The following CNTNAP2 variants were observed in gnomAD, a reference collection of about 807,000 sequenced individuals.
CNTNAP2 encodes the protein contactin-associated protein-like 2.
CNTNAP2 carries 98 observed loss-of-function variants against 155.2 expected under a neutral mutation model. The observed-to-expected ratio is 0.63, with a 90% CI of 0.54 to 0.75. CNTNAP2 has a LOEUF of 0.75. Among genes scored for constraint, CNTNAP2 ranks in the 30% least tolerant of loss-of-function variants. The pLI is 0.00. For synonymous variants in CNTNAP2, 651 were observed against 631.2 expected (o/e 1.03, Z -0.47); for missense variants, 1,727 against 1,688.1 (o/e 1.02, Z -0.40).
intron 2 of CNTNAP2, among the ~76,000 whole-genome samples, chr7:146,799,786 C>T (rs532711332): frequency 3.3e-5 from 5 of 152,266 alleles, no homozygotes; most frequent in African/African-American, 1.2e-4. Context: ...AAATTACCTA[C>T]ATTTCTGGAC....
At chr7:148,294,491 C>T (rs1397233347) in intron 21 of CNTNAP2, among the ~76,000 whole-genome samples, 1 of 152,146 alleles carries the variant, frequency 6.6e-6, no homozygotes, top group Admixed American at 6.5e-5. Context: ...GAATTCTGTG[C>T]AAACCTATAA....
chr7:147,467,541 C>T (rs1563215537), intron 10 of CNTNAP2, among the ~76,000 whole-genome samples: 1 of 152,054 alleles, frequency 6.6e-6, no homozygotes, highest in South Asian at 2.1e-4. Flanking sequence ...CAAAATGTTG[C>T]GGGGAGGAAG....
At chr7:147,252,911 G>A (rs183425335) in intron 8 of CNTNAP2, among the ~76,000 whole-genome samples, 1 of 152,286 alleles carries the variant, frequency 6.6e-6, no homozygotes, top group Admixed American at 6.5e-5. Context: ...TGTGGTATGT[G>A]GTTTGTGGCA....
intron 1 of CNTNAP2, among the ~76,000 whole-genome samples, chr7:146,373,262 C>A (rs2129103130): frequency 6.6e-6 from 1 of 152,276 alleles, no homozygotes; most frequent in East Asian, 1.9e-4. Flanking sequence ...TCTTCAGTAT[C>A]ACAGAGTCTC....
chr7:147,730,406 A>T (rs757273739), intron 13 of CNTNAP2, among the ~76,000 whole-genome samples: 1 of 152,058 alleles, frequency 6.6e-6, no homozygotes, highest in Non-Finnish European at 1.5e-5. Flanking sequence ...CATTTTGATA[A>T]TTCTCCCAAC....
intron 1 of CNTNAP2, among the ~76,000 whole-genome samples, chr7:146,422,461 G>A (rs1280594771): frequency 6.6e-6 from 1 of 151,144 alleles, no homozygotes; most frequent in Non-Finnish European, 1.5e-5. Context: ...TTCCATAGCT[G>A]AAAAAAATTC....
At chr7:147,882,574 C>T (rs755655509) in intron 13 of CNTNAP2, among the ~76,000 whole-genome samples, 3 of 152,134 alleles carry the variant, frequency 2.0e-5, no homozygotes, top group African/African-American at 2.4e-5. Context: ...ACATAACTGC[C>T]GACCTAGTGG....
rs549761365 is a variant in CNTNAP2 at position 147,084,454 on chromosome 7, A to G, written c.551-23693A>G. 3.8e-3 allele frequency among the ~76,000 whole-genome samples: 530 copies of G among 140,448 alleles called. 3 individuals are homozygous for G. The highest frequency in any genetic ancestry group is 8.5e-3 in the African/African-American group (331 of 38,922). The allele number at this position is 140,448 out of a possible 152,430, so 92.1% of individuals were successfully genotyped here. ...ATATGTATATATAATACATATATGC[A>G]TAATGCTATATATGTATATACACAT... On this transcript the variant is annotated intron_variant, in intron 4 of 23. Coordinates refer to ENST00000361727, the MANE Select transcript of CNTNAP2 (RefSeq NM_014141.6).
chr7:147,719,776 T>C (rs1165222621), intron 13 of CNTNAP2, among the ~76,000 whole-genome samples: 1 of 152,132 alleles, frequency 6.6e-6, no homozygotes, highest in Non-Finnish European at 1.5e-5. Context: ...CCACCCGCAC[T>C]GTGACTTTTG....
At chr7:146,797,850 A>C (rs1802799229) in intron 2 of CNTNAP2, among the ~76,000 whole-genome samples, 1 of 152,248 alleles carries the variant, frequency 6.6e-6, no homozygotes, top group Non-Finnish European at 1.5e-5. Context: ...ATAGAGATAC[A>C]AAGTTGTTCA....
chr7:147,897,778 G>A (rs752680300), intron 13 of CNTNAP2, among the ~76,000 whole-genome samples: 5 of 152,106 alleles, frequency 3.3e-5, no homozygotes, highest in Non-Finnish European at 5.9e-5. Flanking sequence ...ATATTTCAAC[G>A]CTTATTTTTG....
At chr7:146,346,346 G>T (rs1003999093) in intron 1 of CNTNAP2, among the ~76,000 whole-genome samples, 59 of 152,156 alleles carry the variant, frequency 3.9e-4, no homozygotes, top group African/African-American at 1.2e-3. Flanking sequence ...GAATCCTATT[G>T]TCAACTGTGC....
At chr7:146,218,264 C>T (rs1052189424) in intron 1 of CNTNAP2, among the ~76,000 whole-genome samples, 8 of 152,170 alleles carry the variant, frequency 5.3e-5, no homozygotes, top group African/African-American at 9.7e-5. Context: ...AATCCCAGCA[C>T]TTTGGGAGGC....
intron 1 of CNTNAP2, among the ~76,000 whole-genome samples, chr7:146,723,453 C>A (rs566604837): frequency 6.6e-6 from 1 of 152,246 alleles, no homozygotes; most frequent in Non-Finnish European, 1.5e-5. Flanking sequence ...GAGTTAGAAA[C>A]CTTTTCATAC....
At chr7:146,442,693 T>A (rs1375343350) in intron 1 of CNTNAP2, among the ~76,000 whole-genome samples, 1 of 152,108 alleles carries the variant, frequency 6.6e-6, no homozygotes. Flanking sequence ...CCTGCTCACT[T>A]GACATTTTTG....
intron 13 of CNTNAP2, among the ~76,000 whole-genome samples, chr7:147,645,209 G>C (rs1208387009): frequency 6.6e-6 from 1 of 152,066 alleles, no homozygotes; most frequent in Non-Finnish European, 1.5e-5. Context: ...GAAAAGACAA[G>C]AAAACATGAC....
Position 148,271,160 on chromosome 7 carries a change from G to T in CNTNAP2, c.3475+4034G>T, listed in dbSNP as rs12534432. Among the ~76,000 whole-genome samples, 12 of 152,118 alleles carry T rather than the reference G, an allele frequency of 7.9e-5. 1 individual carries two copies. The highest frequency in any genetic ancestry group is 2.9e-4 in the African/African-American group (12 of 41,508). On this transcript the variant is annotated intron_variant, in intron 21 of 23. Transcript: ENST00000361727. ...CCGGTTATTATGCTATATGCTGTAA[G>T]TACAATACTGTCTGCGTTTCTCACA...
chr7:146,671,353 C>T (rs1351019470), intron 1 of CNTNAP2, among the ~76,000 whole-genome samples: 2 of 151,816 alleles, frequency 1.3e-5, no homozygotes, highest in Non-Finnish European at 2.9e-5. Context: ...TCATACTCTT[C>T]CTTTAAACTA....
At chr7:146,253,923 G>A (rs1171630088) in intron 1 of CNTNAP2, among the ~76,000 whole-genome samples, 1 of 151,762 alleles carries the variant, frequency 6.6e-6, no homozygotes, top group Non-Finnish European at 1.5e-5. Flanking sequence ...TTAGCTCCAT[G>A]TGGTGGCATG....
Sources: gnomAD v4.1 joint callset for allele counts (sites outside exome capture counted in the v4.1 genomes callset) on GRCh38, gnomAD v4.1.1 for gene constraint, MANE v1.5 for transcripts, NCBI Gene and HGNC (gene_info 2026-07-23, HGNC 2026-07-21) for gene names.